NEXN: variants seen among roughly 807,000 people sequenced by gnomAD.
NEXN encodes nexilin F-actin binding protein.
In NEXN, 65 loss-of-function variants were observed where a neutral mutation model predicts 92.6. That is an observed-to-expected ratio of 0.70 (90% CI 0.57 to 0.86). The LOEUF is 0.86. Among genes scored for constraint, NEXN ranks in the 40% least tolerant of loss-of-function variants. NEXN has a pLI of 0.00. For synonymous variants in NEXN, 254 were observed against 242.5 expected (o/e 1.05, Z -0.44); for missense variants, 778 against 771.1 (o/e 1.01, Z -0.11).
chr1:77,937,668 G>A (rs1174462694), intron 11 of NEXN, among the ~76,000 whole-genome samples: 1 of 152,088 alleles, frequency 6.6e-6, no homozygotes, highest in Non-Finnish European at 1.5e-5. Context: ...TAGCCTTGGC[G>A]ACAGAGCGAG....
chr1:77,929,994 C>G (rs1236390330), intron 9 of NEXN, among the ~76,000 whole-genome samples: 2 of 152,174 alleles, frequency 1.3e-5, no homozygotes, highest in Non-Finnish European at 2.9e-5. Context: ...AAAATGCTCA[C>G]TCATCACTCC....
chr1:77,918,134 A>C lies in NEXN; in HGVS notation c.308A>C (p.Lys103Thr). 1 of 1,614,064 alleles carries C rather than the reference A, an allele frequency of 6.2e-7. No homozygotes were observed. The highest frequency in any genetic ancestry group is 8.5e-7 in the Non-Finnish European group (1 of 1,179,966). Reference sequence around the variant, plus strand: ...TTTCATATATTTTTAGGAACTGTGAAGGGTAGATTTGCTGAAATGGAGAAA... The same window carrying C: ...TTTCATATATTTTTAGGAACTGTGACGGGTAGATTTGCTGAAATGGAGAAA... ...AYVPKLTGTV[K>T]GRFAEMEKQR... The change falls in exon 5 of 13, where the codon AAG becomes ACG. Residue 103 changes from lysine to threonine, a missense_variant. This residue lies in a region of NEXN where 236 missense variants were observed against 265.6 expected (regional missense o/e 0.89). Coordinates refer to ENST00000334785, the MANE Select transcript of NEXN (RefSeq NM_144573.4).
At chr1:77,933,158 T>G in intron 9 of NEXN, 124 bp from the exon 10 acceptor site, 1 of 678,326 alleles carries the variant, frequency 1.5e-6, no homozygotes, top group Non-Finnish European at 2.5e-6. Context: ...TGAAACTCCA[T>G]CTCAAAAAAC....
chr1:77,923,695 T>G (rs1285362755), intron 5 of NEXN, among the ~76,000 whole-genome samples: 2 of 150,040 alleles, frequency 1.3e-5, no homozygotes, highest in African/African-American at 4.9e-5. Context: ...TTTTTTTTTT[T>G]TTTTGAGAGG....
In NEXN at chr1:77,942,989, CAAAA is replaced by C; in HGVS notation, c.*163_*166del. ...ACATCCATCTTTTCTGTGGCGGGGC[CAAAA>C]AAGGAAACCAGGAGTGCCACTATGC... is the stretch of plus-strand genomic sequence containing the variant. On this transcript the variant is annotated 3_prime_UTR_variant, in exon 13 of 13. Transcript: ENST00000334785. The C allele has an allele frequency of 1.0e-6, 1 of 1,001,056 alleles. No individual in the cohort carries two copies. Among genetic ancestry groups the C allele is most frequent in the Non-Finnish European group, 1.5e-6 (1 of 663,208 alleles). 62.0% of individuals were successfully genotyped at this position (1,001,056 alleles called of 1,614,324 possible).
chr1:77,919,258 C>T (rs1649229412), intron 5 of NEXN, among the ~76,000 whole-genome samples: 3 of 152,098 alleles, frequency 2.0e-5, no homozygotes, highest in Admixed American at 1.3e-4. Flanking sequence ...TCCCACAACA[C>T]GTGGGAATTA....
At chr1:77,905,268 AATT>A (rs1229034734) in intron 1 of NEXN, among the ~76,000 whole-genome samples, 4 of 151,638 alleles carry the variant, frequency 2.6e-5, no homozygotes, top group African/African-American at 9.7e-5. Flanking sequence ...CAAAAAAAAA[AATT>A]AATATAAGTG....
At chr1:77,939,848 C>T (rs540465748) in intron 11 of NEXN, among the ~76,000 whole-genome samples, 2 of 152,246 alleles carry the variant, frequency 1.3e-5, no homozygotes, top group African/African-American at 4.8e-5. Context: ...CGGAGGCAGG[C>T]GGATCACCTG....
intron 11 of NEXN, among the ~76,000 whole-genome samples, chr1:77,940,951 TAAAA>T (rs1651253625): frequency 6.6e-6 from 1 of 152,064 alleles, no homozygotes; most frequent in Non-Finnish European, 1.5e-5. Flanking sequence ...CAACATCAAA[TAAAA>T]AATCTAATGC....
At chr1:77,920,218 T>C (rs963275208) in intron 5 of NEXN, among the ~76,000 whole-genome samples, 1 of 152,134 alleles carries the variant, frequency 6.6e-6, no homozygotes, top group Non-Finnish European at 1.5e-5. Context: ...CTTGTAAATA[T>C]GTAAAGTTTA....
intron 11 of NEXN, among the ~76,000 whole-genome samples, chr1:77,940,043 C>T (rs1459466918): frequency 6.6e-6 from 1 of 152,206 alleles, no homozygotes; most frequent in African/African-American, 2.4e-5. Flanking sequence ...CACTGCACTC[C>T]AGCCTGGGTG....
At chr1:77,891,641 A>G (rs1647106740) in intron 1 of NEXN, among the ~76,000 whole-genome samples, 1 of 149,654 alleles carries the variant, frequency 6.7e-6, no homozygotes, top group African/African-American at 2.5e-5. Context: ...GACCCTTTCC[A>G]TTTTGTCAGT....
At chr1:77,908,025 G>A (rs1648253124) in intron 1 of NEXN, among the ~76,000 whole-genome samples, 1 of 151,964 alleles carries the variant, frequency 6.6e-6, no homozygotes, top group East Asian at 1.9e-4. Context: ...GAGGTGGGAG[G>A]ATCACTTGAG....
At chr1:77,895,029 A>AT (rs559226754) in intron 1 of NEXN, among the ~76,000 whole-genome samples, 1,710 of 61,614 alleles carry the variant, frequency 0.028, 176 homozygotes, top group Non-Finnish European at 0.032. Flanking sequence ...CTATAGTGTA[A>AT]TTTTTTTTTT....
At position 77,917,977 on chromosome 1, in the gene NEXN, T is replaced by C. The variant is rs727504549; in HGVS notation, c.237T>C (p.Ala79=). Residue 79 remains alanine, a synonymous_variant, in exon 4 of 13, where the codon GCT becomes GCC. Coordinates refer to ENST00000334785, the MANE Select transcript of NEXN (RefSeq NM_144573.4). ...RRKQEIKEML[A]SDDEEDVSSK... ...CCATCTAGATTAAAGAAATGCTTGC[T>C]TCTGATGATGAGGAAGATGTATCTT... 3.3e-5 allele frequency: 53 copies of C among 1,612,974 alleles called. No individual in the cohort carries two copies. The highest frequency in any genetic ancestry group is 1.6e-5 in the Non-Finnish European group (19 of 1,179,396).
Position 77,933,492 on chromosome 1 carries a change from G to C in NEXN, c.1251+13G>C. ...GGAAATGGGAGAGGTAAGATTTTAA[G>C]AAATATCTATATTCCCCATATTTAT... On this transcript the variant is annotated intron_variant, in intron 10 of 12. Coordinates refer to ENST00000334785, the MANE Select transcript of NEXN (RefSeq NM_144573.4). 6.5e-7 allele frequency: 1 copy of C among 1,540,342 alleles called. No homozygotes were observed. The highest frequency in any genetic ancestry group is 9.0e-7 in the Non-Finnish European group (1 of 1,114,398).
At chr1:77,940,304 TGCTGACTTTAATATTCATGG>T (rs1398522725) in intron 11 of NEXN, among the ~76,000 whole-genome samples, 1 of 152,186 alleles carries the variant, frequency 6.6e-6, no homozygotes. Context: ...ACTGCCTAAC[TGCTGACTTTAATATTCATGG>T]GCTGAGAGTA....
chr1:77,891,472 A>T (rs1213020264), intron 1 of NEXN, among the ~76,000 whole-genome samples: 1 of 151,916 alleles, frequency 6.6e-6, no homozygotes, highest in Non-Finnish European at 1.5e-5. Flanking sequence ...CCTTCTTGAC[A>T]TCTCTTCCTT....
Position 77,916,147 on chromosome 1 carries a change from G to A in NEXN, c.27+14G>A. The A allele has an allele frequency of 6.3e-7, 1 of 1,593,666 alleles. No individual in the cohort carries two copies. The highest frequency in any genetic ancestry group is 8.6e-7 in the Non-Finnish European group (1 of 1,166,580). ...CAAAAGGCTGAGGTAAGTCTCAAAA[G>A]TAAAAATAAAAATAAAAGAGGGAAA... On this transcript the variant is annotated intron_variant, in intron 2 of 12. Transcript: ENST00000334785.
Sources: allele counts gnomAD v4.1 joint callset (sites outside exome capture counted in the v4.1 genomes callset), GRCh38; gene constraint gnomAD v4.1.1; regional missense constraint gnomAD v4.1.1; transcripts MANE v1.5; gene names NCBI Gene and HGNC (gene_info 2026-07-23, HGNC 2026-07-21).